Variants in REL observed in about 807,000 individuals in gnomAD.
REL encodes the protein REL proto-oncogene, NF-kB subunit.
REL carries 15 observed loss-of-function variants against 45.9 expected under a neutral mutation model. That is an observed-to-expected ratio of 0.33 (90% CI 0.22 to 0.50). The LOEUF is 0.50. Ranked by LOEUF, REL falls within the 20% of genes least tolerant of loss-of-function variation. REL has a pLI of 0.98. For missense variants in REL, 601 were observed against 715.2 expected (o/e 0.84, Z 1.82); for synonymous variants, 239 against 242.1 (o/e 0.99, Z 0.12).
chr2:60,919,357 C>T (rs774197167), intron 7 of REL, among the ~76,000 whole-genome samples: 6 of 151,982 alleles, frequency 3.9e-5, no homozygotes, highest in Non-Finnish European at 5.9e-5. Flanking sequence ...ACCTCAGCCT[C>T]GTGAGTACCT....
rs534958358 is a variant in REL at position 60,930,671 on chromosome 2, A to C, written c.*8136A>C. The C allele has an allele frequency of 1.1e-5, 1 of 91,408 alleles. No homozygotes were observed. Among genetic ancestry groups the C allele is most frequent in the African/African-American group, 2.9e-5 (1 of 34,706 alleles). The allele number at this position is 91,408 out of a possible 1,614,324, so 5.7% of individuals were successfully genotyped here. On this transcript the variant is annotated 3_prime_UTR_variant, in exon 10 of 10. Coordinates refer to ENST00000394479, the MANE Select transcript of REL (RefSeq NM_001291746.2). The stretch of plus-strand genomic sequence containing the variant: ...AAAACCACTCATGCCCTATTAATAA[A>C]CAAAATACAGATCAAAGTTTTCAAA...
chr2:60,907,414 A>G (rs1317032126), intron 4 of REL, among the ~76,000 whole-genome samples: 1 of 151,916 alleles, frequency 6.6e-6, no homozygotes, highest in East Asian at 2.0e-4. Flanking sequence ...GGGGAGGCCA[A>G]GATGGGTGGA....
intron 4 of REL, among the ~76,000 whole-genome samples, chr2:60,913,458 G>T (rs1051286310): frequency 2.6e-5 from 4 of 152,098 alleles, no homozygotes; most frequent in African/African-American, 9.7e-5. Context: ...GAATGATTTA[G>T]GTTATTTGAA....
intron 4 of REL, among the ~76,000 whole-genome samples, chr2:60,912,935 T>C (rs1263748508): frequency 2.0e-5 from 3 of 152,048 alleles, no homozygotes; most frequent in African/African-American, 4.8e-5. Context: ...TATACAAATA[T>C]CAGCTGAAGA....
At position 60,928,850 on chromosome 2, in the gene REL, T is replaced by C. The variant is rs1674326654; in HGVS notation, c.*6315T>C. ...GGATCTAATTAAACTAAAGAGCTGC[T>C]GCACAGCAAAAGAAACTACCATCAG... On this transcript the variant is annotated 3_prime_UTR_variant, in exon 10 of 10. Coordinates refer to ENST00000394479, the MANE Select transcript of REL (RefSeq NM_001291746.2). The C allele has an allele frequency of 1.3e-5, 2 of 150,476 alleles. No homozygotes were observed. Among genetic ancestry groups the C allele is most frequent in the South Asian group, 2.1e-4 (1 of 4,780 alleles). 9.3% of individuals were successfully genotyped at this position (150,476 alleles called of 1,614,324 possible).
At position 60,931,221 on chromosome 2, in the gene REL, A is replaced by C. The variant is rs1386786518; in HGVS notation, c.*8686A>C. Reference sequence around the variant, plus strand: ...TAGCTTTAAGATGATGTGGCAAGGAAAACACAAAGCTTTTGGGTAACCAGC... The same window carrying C: ...TAGCTTTAAGATGATGTGGCAAGGACAACACAAAGCTTTTGGGTAACCAGC... On this transcript the variant is annotated 3_prime_UTR_variant, in exon 10 of 10. Coordinates refer to ENST00000394479, the MANE Select transcript of REL (RefSeq NM_001291746.2). The C allele has an allele frequency of 6.6e-6, 1 of 152,344 alleles. No individual in the cohort carries two copies. The highest frequency in any genetic ancestry group is 1.5e-5 in the Non-Finnish European group (1 of 68,028). 9.4% of individuals were successfully genotyped at this position (152,344 alleles called of 1,614,324 possible). A position where few individuals can be genotyped will look rare whatever the true frequency, so the allele number is the denominator to read the frequency against.
At chr2:60,887,455 A>C (rs1178282881) in intron 1 of REL, among the ~76,000 whole-genome samples, 1 of 152,086 alleles carries the variant, frequency 6.6e-6, no homozygotes, top group Non-Finnish European at 1.5e-5. Context: ...TGTTTAATGA[A>C]TATCTCTGTA....
chr2:60,920,013 T>A (rs1674093913), intron 7 of REL, 28 bp from the exon 8 acceptor site: 1 of 1,482,092 alleles, frequency 6.7e-7, no homozygotes. Flanking sequence ...TAATTTTTTA[T>A]CTGCTTTCCT....
In REL at chr2:60,891,805, C is replaced by T. The variant is rs147654074; in HGVS notation, c.133C>T (p.Arg45Ter). ...IPGEHSTDNNRTYPSIQIMNY... is the reference protein window; with the variant it reads ...IPGEHSTDNN ...AGGGGAGCACAGCACAGACAACAAC[C>T]GAACATACCCTTCTATCCAGGTAAT... The change falls in exon 2 of 10, where the codon CGA becomes TGA. Residue 45 changes from arginine (R) to a stop codon, truncating the protein, a stop_gained. Transcript: ENST00000394479. LOFTEE classifies it high-confidence loss of function. 1.2e-6 allele frequency: 2 copies of T among 1,613,476 alleles called. No homozygotes were observed. Among genetic ancestry groups the T allele is most frequent in the African/African-American group, 1.3e-5 (1 of 74,994 alleles).
rs973440519 is a variant in REL, at chr2:60,926,693, GCATTAC to G, written c.*4163_*4168del. ...GCTCTCTTCTTTACCTTCCATAATG[GCATTAC>G]CATTTACCACGCCACCCAAGATACT... is the stretch of plus-strand genomic sequence containing the variant. On this transcript the variant is annotated 3_prime_UTR_variant, in exon 10 of 10. Transcript: ENST00000394479. 2.2e-5 allele frequency: 5 copies of G among 227,330 alleles called. No individual in the cohort carries two copies. Among genetic ancestry groups the G allele is most frequent in the African/African-American group, 1.1e-4 (5 of 44,836 alleles). 14.1% of individuals were successfully genotyped at this position (227,330 alleles called of 1,614,324 possible).
rs941269251 is a variant in REL, at chr2:60,924,756, AAG to A, written c.*2225_*2226del. On this transcript the variant is annotated 3_prime_UTR_variant, in exon 10 of 10. Transcript: ENST00000394479. The stretch of plus-strand genomic sequence containing the variant: ...CCTTTTCAAAGTGCAAGATTTTTAA[AAG>A]AGACTTGTCACATATTCATTTGGCT... 21 of 208,594 alleles carry A rather than the reference AAG, an allele frequency of 1.0e-4. No individual in the cohort carries two copies. The East Asian group carries it at 1.0e-3, about 10-fold the overall frequency. The allele number at this position is 208,594 out of a possible 1,614,324, so 12.9% of individuals were successfully genotyped here.
chr2:60,889,971 G>A (rs1446502146), intron 1 of REL, among the ~76,000 whole-genome samples: 4 of 152,158 alleles, frequency 2.6e-5, no homozygotes, highest in Non-Finnish European at 5.9e-5. Context: ...CCCAGTAATG[G>A]GATGGCTGGG....
At chr2:60,892,866 C>T (rs1216295812) in intron 2 of REL, among the ~76,000 whole-genome samples, 6 of 151,444 alleles carry the variant, frequency 4.0e-5, no homozygotes, top group South Asian at 2.1e-4. Flanking sequence ...GCAGTTCTCC[C>T]GTCTCAGCCT....
In REL at chr2:60,922,328, T is replaced by C; in HGVS notation, c.1557T>C (p.Asn519=). The change falls in exon 10 of 10, where the codon AAT becomes AAC. Residue 519 remains asparagine, a synonymous_variant. Coordinates refer to ENST00000394479, the MANE Select transcript of REL (RefSeq NM_001291746.2). The part of the protein sequence containing the change: ...SSSMSAGANS[N]TTVFVSQSDA... ...GTATGTCAGCAGGCGCCAATTCCAA[T>C]ACTACTGTTTTTGTTTCACAATCAG... 1 of 1,614,162 alleles carries C rather than the reference T, an allele frequency of 6.2e-7. No individual in the cohort carries two copies.
At chr2:60,900,808 C>A in intron 3 of REL, 184 bp from the exon 4 acceptor site, 2 of 537,140 alleles carry the variant, frequency 3.7e-6, no homozygotes, top group Non-Finnish European at 3.2e-6. Context: ...CAGGCACAAG[C>A]CACGCGCCCA....
chr2:60,891,855 A>T, intron 2 of REL, 30 bp downstream of exon 2: 2 of 1,568,316 alleles, frequency 1.3e-6, no homozygotes, highest in Admixed American at 1.8e-5. Context: ...TGTCTATCTC[A>T]CTATTAGTTG....
In REL at chr2:60,922,588, A is replaced by G; in HGVS notation, c.*53A>G. The G allele has an allele frequency of 6.7e-7, 1 of 1,485,964 alleles. No individual in the cohort carries two copies. The highest frequency in any genetic ancestry group is 9.0e-7 in the Non-Finnish European group (1 of 1,116,988). 92.0% of individuals were successfully genotyped at this position (1,485,964 alleles called of 1,614,324 possible). A position where few individuals can be genotyped will look rare whatever the true frequency, so the allele number is the denominator to read the frequency against. On this transcript the variant is annotated 3_prime_UTR_variant, in exon 10 of 10. Transcript: ENST00000394479. ...TTGATACCACCTATATAGATGCAGC[A>G]TTTTGTATTTGTCTAACTGGGGATA...
rs2103999377 is a variant in REL at position 60,927,476 on chromosome 2, TG to T, written c.*4944del. On this transcript the variant is annotated 3_prime_UTR_variant, in exon 10 of 10. Coordinates refer to ENST00000394479, the MANE Select transcript of REL (RefSeq NM_001291746.2). ...TATTATGTAGAAATTCTAAAGTTTTTGGGATTATTTCATAGCCCTGACCTTG... is the reference window on the plus strand; with the variant it reads ...TATTATGTAGAAATTCTAAAGTTTTTGGATTATTTCATAGCCCTGACCTTG... 1 of 229,886 alleles carries T rather than the reference TG, an allele frequency of 4.3e-6. No homozygotes were observed. The highest frequency in any genetic ancestry group is 6.1e-5 in the East Asian group (1 of 16,302). 14.2% of individuals were successfully genotyped at this position (229,886 alleles called of 1,614,324 possible).
chr2:60,895,419 A>C (rs1673324931), intron 3 of REL, among the ~76,000 whole-genome samples: 1 of 151,620 alleles, frequency 6.6e-6, no homozygotes, highest in African/African-American at 2.4e-5. Flanking sequence ...GGACTCAGGC[A>C]GTCTGTCCAC....
Sources: allele counts gnomAD v4.1 joint callset (sites outside exome capture counted in the v4.1 genomes callset), GRCh38; gene constraint gnomAD v4.1.1; transcripts MANE v1.5; gene names NCBI Gene and HGNC (gene_info 2026-07-23, HGNC 2026-07-21).